The following ERN1 variants were observed in gnomAD, a reference collection of about 807,000 sequenced individuals.
ERN1 encodes serine/threonine-protein kinase/endoribonuclease IRE1.
In ERN1, 39 loss-of-function variants were observed where a neutral mutation model predicts 113.1. The observed-to-expected ratio is 0.34, with a 90% CI of 0.27 to 0.45. The LOEUF is 0.45. Among genes scored for constraint, ERN1 ranks in the 20% least tolerant of loss-of-function variants. The pLI, the probability that ERN1 is intolerant of heterozygous loss-of-function variation, is 1.00. For synonymous variants in ERN1, 507 were observed against 515.9 expected, an observed-to-expected ratio of 0.98 and a Z score of 0.23; for missense variants, 976 against 1,274.8, an observed-to-expected ratio of 0.77 and a Z score of 3.57.
rs1317208474 is a variant in ERN1, at chr17:64,072,101, T to C, written c.358A>G (p.Lys120Glu). The change falls in exon 6 of 22, where the codon AAA becomes GAA. Residue 120 changes from lysine to glutamate, a missense_variant and splice_region_variant. By Grantham distance (56) the Lys-to-Glu change is moderately conservative (BLOSUM62 1). Transcript: ENST00000433197. ...ATAACATACCAGATGTCCTGCTTTT[T>C]ACCTGAAAGGACACAAAAACACATC... ...RSSDGILYMG[K>E]KQDIWYVIDL... 6.2e-7 allele frequency: 1 copy of C among 1,613,200 alleles called. No individual in the cohort carries two copies. The highest frequency in any genetic ancestry group is 8.5e-7 in the Non-Finnish European group (1 of 1,179,644).
rs1264380669 is a variant in ERN1, at chr17:64,052,846, A to G, written c.2187T>C (p.Ser729=). Residue 729 remains serine, a synonymous_variant, in exon 17 of 22, where the codon TCT becomes TCC. Coordinates refer to ENST00000433197, the MANE Select transcript of ERN1 (RefSeq NM_001433.5). The stretch of plus-strand genomic sequence containing the variant: ...TCCAGCCTTCTGTGCCAGGCACCCC[A>G]GATCGGCGGCTGAAACTGTGTCTGC... The part of the protein sequence containing the change: ...AVGRHSFSRR[S]GVPGTEGWIA... 1 of 1,614,054 alleles carries G rather than the reference A, an allele frequency of 6.2e-7. No individual in the cohort carries two copies. The highest frequency in any genetic ancestry group is 1.1e-5 in the South Asian group (1 of 91,090).
At chr17:64,116,473 C>A (rs1421466992) in intron 1 of ERN1, among the ~76,000 whole-genome samples, 1 of 151,984 alleles carries the variant, frequency 6.6e-6, no homozygotes, top group East Asian at 1.9e-4. Context: ...GAAAACGAAC[C>A]CTAACAGAAT....
chr17:64,125,361 C>T (rs1915053059), intron 1 of ERN1, among the ~76,000 whole-genome samples: 1 of 152,190 alleles, frequency 6.6e-6, no homozygotes, highest in Admixed American at 6.5e-5. Flanking sequence ...ATACCCCTTT[C>T]TTTATGATCC....
intron 10 of ERN1, among the ~76,000 whole-genome samples, chr17:64,060,928 A>T (rs1913035644): frequency 6.6e-6 from 1 of 152,224 alleles, no homozygotes; most frequent in South Asian, 2.1e-4. Flanking sequence ...CTTCATTAAA[A>T]GTTCAAGGAG....
chr17:64,060,262 G>T (rs543199553), intron 11 of ERN1, among the ~76,000 whole-genome samples: 1 of 152,174 alleles, frequency 6.6e-6, no homozygotes, highest in African/African-American at 2.4e-5. Flanking sequence ...GCTTGGTCCT[G>T]CTGCCTTTCC....
In ERN1 at chr17:64,106,619, G is replaced by A. The variant is rs527781693; in HGVS notation, c.55-8378C>T. Among the ~76,000 whole-genome samples, 12 of 152,032 alleles carry A rather than the reference G, an allele frequency of 7.9e-5. No homozygotes were observed. The East Asian group carries it at 2.1e-3, about 27-fold the overall frequency. On this transcript the variant is annotated intron_variant, in intron 1 of 21. Transcript: ENST00000433197. ...CTGGATTATTCTGCTGGCTATAACC[G>A]GCTGAAAGCCACAGGATGGATCAGC...
At chr17:64,086,200 A>G (rs1913919191) in intron 2 of ERN1, among the ~76,000 whole-genome samples, 1 of 152,192 alleles carries the variant, frequency 6.6e-6, no homozygotes, top group African/African-American at 2.4e-5. Flanking sequence ...AGTTCAATCA[A>G]TCTTGAAAAA....
intron 1 of ERN1, among the ~76,000 whole-genome samples, chr17:64,122,459 C>G (rs1392766797): frequency 1.3e-5 from 2 of 152,206 alleles, no homozygotes; most frequent in Non-Finnish European, 2.9e-5. Context: ...CTAATGCACT[C>G]TGATTCCAGT....
At chr17:64,081,533 C>T (rs1029472187) in intron 2 of ERN1, among the ~76,000 whole-genome samples, 2 of 152,088 alleles carry the variant, frequency 1.3e-5, no homozygotes, top group East Asian at 1.9e-4. Flanking sequence ...ATATACAAAC[C>T]TATGCTATTA....
chr17:64,112,749 A>G (rs1209283207), intron 1 of ERN1, among the ~76,000 whole-genome samples: 1 of 152,252 alleles, frequency 6.6e-6, no homozygotes, highest in Admixed American at 6.5e-5. Context: ...TGAGATCTCC[A>G]TGCCCCTTCC....
chr17:64,102,926 C>A lies in ERN1; in HGVS notation c.55-4685G>T, dbSNP rs994096694. ...AAAAAAAAAAAGTGGAATATATACT[C>A]CTGGCTTTGATGGTGACTTGTAGGA... On this transcript the variant is annotated intron_variant, in intron 1 of 21. Coordinates refer to ENST00000433197, the MANE Select transcript of ERN1 (RefSeq NM_001433.5). 1.0e-5 allele frequency: 10 copies of A among 985,196 alleles called. No individual in the cohort carries two copies. The African/African-American group carries it at 1.4e-4, about 14-fold the overall frequency. The allele number at this position is 985,196 out of a possible 1,614,324, so 61.0% of individuals were successfully genotyped here. A position where few individuals can be genotyped will look rare whatever the true frequency, so the allele number is the denominator to read the frequency against.
intron 1 of ERN1, among the ~76,000 whole-genome samples, chr17:64,109,842 C>T (rs895055519): frequency 1.3e-5 from 2 of 152,154 alleles, no homozygotes; most frequent in African/African-American, 4.8e-5. Context: ...AATTTCACTA[C>T]TTTAAATCAC....
At chr17:64,060,015 C>T (rs763097139) in intron 11 of ERN1, among the ~76,000 whole-genome samples, 5 of 152,086 alleles carry the variant, frequency 3.3e-5, no homozygotes, top group Non-Finnish European at 5.9e-5. Context: ...AACTCCTCCA[C>T]AGGGCTTGTT....
intron 2 of ERN1, among the ~76,000 whole-genome samples, chr17:64,096,651 T>C (rs1319275845): frequency 6.6e-6 from 1 of 152,188 alleles, no homozygotes; most frequent in Non-Finnish European, 1.5e-5. Flanking sequence ...ATCTCTCACA[T>C]TCTAGGTTCT....
rs9901032 is a variant in ERN1, at chr17:64,098,467, C to A, written c.55-226G>T. On this transcript the variant is annotated intron_variant, in intron 1 of 21. Transcript: ENST00000433197. ...GCAGACAGGCAGGCTCATGACCTAACATTACAAGGACAAGAATTCTGAAAT... is the reference window on the plus strand; with the variant it reads ...GCAGACAGGCAGGCTCATGACCTAAAATTACAAGGACAAGAATTCTGAAAT... The A allele has an allele frequency of 5.4e-3, 3,893 of 721,064 alleles. 112 individuals are homozygous for A. The African/African-American group carries it at 0.058, about 11-fold the overall frequency. 44.7% of individuals were successfully genotyped at this position (721,064 alleles called of 1,614,324 possible).
intron 4 of ERN1, among the ~76,000 whole-genome samples, chr17:64,075,811 C>T (rs1247585591): frequency 6.6e-6 from 1 of 152,186 alleles, no homozygotes; most frequent in East Asian, 1.9e-4. Context: ...GCTTGGAATA[C>T]AGAGCCAGAG....
chr17:64,101,536 G>C (rs16947486), intron 1 of ERN1, among the ~76,000 whole-genome samples: 4,042 of 152,126 alleles, frequency 0.027, 71 homozygotes, highest in Middle Eastern at 0.054. Flanking sequence ...CAAAGTAGAA[G>C]TTTTCACAAA....
chr17:64,113,579 G>T (rs546268044), intron 1 of ERN1, among the ~76,000 whole-genome samples: 1 of 151,616 alleles, frequency 6.6e-6, no homozygotes, highest in South Asian at 2.1e-4. Context: ...GCGTGATCCC[G>T]GCTCACTGCA....
At position 64,041,228 on chromosome 17, in the gene ERN1, C is replaced by A. The variant is rs542461630; in HGVS notation, c.*2760G>T. On this transcript the variant is annotated 3_prime_UTR_variant, in exon 22 of 22. Coordinates refer to ENST00000433197, the MANE Select transcript of ERN1 (RefSeq NM_001433.5). Reference sequence around the variant, plus strand: ...CAAGAGAAATTCTGGCACACGTGCCCAAGAGAGGTTTAGTAAGACAAGATT... The same window carrying A: ...CAAGAGAAATTCTGGCACACGTGCCAAAGAGAGGTTTAGTAAGACAAGATT... 1 of 152,218 alleles carries A rather than the reference C, an allele frequency of 6.6e-6. No individual in the cohort carries two copies. Among genetic ancestry groups the A allele is most frequent in the South Asian group, 2.1e-4 (1 of 4,824 alleles). The allele number at this position is 152,218 out of a possible 1,614,324, so 9.4% of individuals were successfully genotyped here. A position where few individuals can be genotyped will look rare whatever the true frequency, so the allele number is the denominator to read the frequency against.
Sources: allele counts gnomAD v4.1 joint callset (sites outside exome capture counted in the v4.1 genomes callset), GRCh38; gene constraint gnomAD v4.1.1; transcripts MANE v1.5; gene names NCBI Gene and HGNC (gene_info 2026-07-23, HGNC 2026-07-21).